PHF2: variants seen among roughly 807,000 people sequenced by gnomAD.
The protein encoded by PHF2 is PHD finger protein 2, also known as lysine-specific demethylase PHF2.
PHF2 carries 27 observed loss-of-function variants against 120.5 expected under a neutral mutation model. The observed-to-expected ratio is 0.22, with a 90% CI of 0.17 to 0.31. PHF2 has a LOEUF of 0.31. Ranked by LOEUF, PHF2 falls within the 10% of genes least tolerant of loss-of-function variation. The pLI is 1.00. For missense variants in PHF2, 1,024 were observed against 1,434.8 expected, an observed-to-expected ratio of 0.71 and a Z score of 4.63; for synonymous variants, 568 against 592.5, an observed-to-expected ratio of 0.96 and a Z score of 0.60.
chr9:93,618,719 C>T (rs1825767083), intron 1 of PHF2, among the ~76,000 whole-genome samples: 1 of 151,486 alleles, frequency 6.6e-6, no homozygotes, highest in Non-Finnish European at 1.5e-5. Context: ...CAGCACTCTG[C>T]GCTTGCACAC....
chr9:93,611,163 C>G (rs1825627038), intron 1 of PHF2, among the ~76,000 whole-genome samples: 1 of 152,026 alleles, frequency 6.6e-6, no homozygotes, highest in African/African-American at 2.4e-5. Context: ...CGCCTGTAAT[C>G]CCAGCACTTT....
At chr9:93,659,892 AGCCCCTGCAG>A (rs1288081873) in intron 11 of PHF2, among the ~76,000 whole-genome samples, 3 of 152,084 alleles carry the variant, frequency 2.0e-5, no homozygotes, top group Non-Finnish European at 4.4e-5. Context: ...CCCCTGACTC[AGCCCCTGCAG>A]TCCCAGCTTG....
intron 1 of PHF2, among the ~76,000 whole-genome samples, chr9:93,592,408 C>CT (rs76636570): frequency 0.14 from 21,593 of 152,078 alleles, 3,386 homozygotes; most frequent in African/African-American, 0.38. Context: ...TATCTGCATC[C>CT]TTTGCCTAGT....
chr9:93,584,993 A>G (rs896747082), intron 1 of PHF2, among the ~76,000 whole-genome samples: 3 of 152,222 alleles, frequency 2.0e-5, no homozygotes, highest in Non-Finnish European at 4.4e-5. Flanking sequence ...TTTGGACGCT[A>G]TGGTAAGTGG....
chr9:93,653,100 A>G, intron 5 of PHF2, 79 bp from the exon 6 acceptor site: 1 of 1,361,678 alleles, frequency 7.3e-7, no homozygotes, highest in Non-Finnish European at 1.0e-6. Flanking sequence ...GACATGCCTC[A>G]CAGAACATGT....
At chr9:93,614,355 T>C (rs1825686604) in intron 1 of PHF2, among the ~76,000 whole-genome samples, 1 of 152,214 alleles carries the variant, frequency 6.6e-6, no homozygotes, top group South Asian at 2.1e-4. Context: ...CAGCTTCATT[T>C]CCCTCTTGGC....
chr9:93,593,105 A>AAAAAAAAAAAAAAAAGG (rs1554790887), intron 1 of PHF2, among the ~76,000 whole-genome samples: 1 of 122,716 alleles, frequency 8.1e-6, no homozygotes, highest in African/African-American at 3.3e-5. Context: ...AAAAAAAAAA[A>AAAAAAAAAAAAAAAAGG]AAAAAAGAAA....
Position 93,663,633 on chromosome 9 carries a change from C to G in PHF2, c.1935C>G (p.Leu645=). 1 of 1,598,852 alleles carries G rather than the reference C, an allele frequency of 6.3e-7. No homozygotes were observed. The highest frequency in any genetic ancestry group is 8.6e-7 in the Non-Finnish European group (1 of 1,168,012). The change falls in exon 14 of 22, where the codon CTC becomes CTG. Residue 645 remains leucine (L), a splice_region_variant and synonymous_variant. Transcript: ENST00000359246. ...TTTCTTTCTCCAACAAGAAACTCCT[C>G]GGGTATGTGAGTGCCTGGATGGGAG... The part of the protein sequence containing the change: ...FSFSFSNKKL[L]GSKALRPPTS...
chr9:93,635,360 C>G (rs1193096774), intron 2 of PHF2, among the ~76,000 whole-genome samples: 2 of 152,082 alleles, frequency 1.3e-5, no homozygotes, highest in African/African-American at 4.8e-5. Flanking sequence ...GCCCCCATCC[C>G]CTGCGCCCCC....
rs574937395 is a variant in PHF2, at chr9:93,586,797, G to A, written c.98+9926G>A. ...GGAGACCAGGCTCTGTTCTAGGCAC[G>A]GGCAGCAGTGAGGAAGACTGCACGG... On this transcript the variant is annotated intron_variant, in intron 1 of 21. Transcript: ENST00000359246. Among the ~76,000 whole-genome samples, 193 of 152,340 alleles carry A rather than the reference G, an allele frequency of 1.3e-3. 1 individual carries two copies. Among genetic ancestry groups the A allele is most frequent in the African/African-American group, 3.9e-3 (164 of 41,584 alleles).
chr9:93,636,557 T>A (rs1478282042), intron 3 of PHF2, 32 bp downstream of exon 3: 1 of 1,415,132 alleles, frequency 7.1e-7, no homozygotes, highest in East Asian at 2.4e-5. Context: ...CTCCACCACC[T>A]GCAGCCAGGG....
rs1348936990 is a variant in PHF2 at position 93,677,022 on chromosome 9, G to A, written c.3202+59G>A. On this transcript the variant is annotated intron_variant, in intron 21 of 21. Coordinates refer to ENST00000359246, the MANE Select transcript of PHF2 (RefSeq NM_005392.4). This position sits in a 1 kb window ranked among gnomAD's most constrained non-coding sequence, Gnocchi z 4.4. The stretch of plus-strand genomic sequence containing the variant: ...CCTGCCCTGCCTGCCCCCATGGGCA[G>A]CCCCAGACATGCAGACTCGGCCCAT... 6.9e-7 allele frequency: 1 copy of A among 1,452,998 alleles called. No homozygotes were observed. The allele number at this position is 1,452,998 out of a possible 1,614,324, so 90.0% of individuals were successfully genotyped here.
intron 4 of PHF2, among the ~76,000 whole-genome samples, chr9:93,646,934 G>T (rs967679132): frequency 6.6e-6 from 1 of 152,226 alleles, no homozygotes; most frequent in African/African-American, 2.4e-5. Flanking sequence ...CTGAGGAGGA[G>T]GGCAGGCTGG....
In PHF2 at chr9:93,677,952, G is replaced by A. The variant is rs774668238; in HGVS notation, c.*276G>A. 4 of 424,278 alleles carry A rather than the reference G, an allele frequency of 9.4e-6. No homozygotes were observed. The highest frequency in any genetic ancestry group is 1.3e-5 in the Non-Finnish European group (3 of 236,422). 26.3% of individuals were successfully genotyped at this position (424,278 alleles called of 1,614,324 possible). On this transcript the variant is annotated 3_prime_UTR_variant, in exon 22 of 22. Coordinates refer to ENST00000359246, the MANE Select transcript of PHF2 (RefSeq NM_005392.4). This position sits in a 1 kb window ranked among gnomAD's most constrained non-coding sequence, Gnocchi z 4.4. ...TGAGGACCGCTTATTCCACTTTAAG[G>A]ACAGCCTTCAGGCCCCCTGAGCGTG...
At chr9:93,614,621 G>A (rs1265659928) in intron 1 of PHF2, among the ~76,000 whole-genome samples, 2 of 152,186 alleles carry the variant, frequency 1.3e-5, no homozygotes, top group Admixed American at 1.3e-4. Context: ...TGGAGGAATG[G>A]ACATAGCACA....
chr9:93,676,797 C>G lies in PHF2; in HGVS notation c.3036C>G (p.Pro1012=), dbSNP rs750408397. The G allele has an allele frequency of 3.9e-6, 6 of 1,552,878 alleles. No homozygotes were observed. The highest frequency in any genetic ancestry group is 2.4e-5 in the South Asian group (2 of 84,242). The change falls in exon 21 of 22, where the codon CCC becomes CCG. Residue 1012 remains proline, a synonymous_variant. Coordinates refer to ENST00000359246, the MANE Select transcript of PHF2 (RefSeq NM_005392.4). ...CGCAGGAGGGCAGCTCGCCAGAGCC[C>G]CCGCCTGAGTCGCATAGCAGCAGCC... ...QASQEGSSPE[P]PPESHSSSLA...
intron 17 of PHF2, chr9:93,672,385 AGT>A (rs1826817581): frequency 2.7e-6 from 1 of 372,674 alleles, no homozygotes; most frequent in Non-Finnish European, 3.2e-6. Flanking sequence ...TGAGTGTGGG[AGT>A]AGGCACAGGT....
intron 2 of PHF2, among the ~76,000 whole-genome samples, chr9:93,630,738 A>G (rs1825987802): frequency 6.6e-6 from 1 of 152,096 alleles, no homozygotes; most frequent in South Asian, 2.1e-4. Flanking sequence ...CCCTGGTTGC[A>G]GAGGGGGAGC....
chr9:93,660,625 C>G, intron 12 of PHF2, 65 bp downstream of exon 12: 1 of 1,428,382 alleles, frequency 7.0e-7, no homozygotes, highest in Non-Finnish European at 9.3e-7. Flanking sequence ...TCTTGTGGGC[C>G]AGTCCCATGG....
Sources: gnomAD v4.1 joint callset for allele counts (sites outside exome capture counted in the v4.1 genomes callset) on GRCh38, gnomAD v4.1.1 for gene constraint, Gnocchi (gnomAD v3.1) non-coding constraint, MANE v1.5 for transcripts, NCBI Gene and HGNC (gene_info 2026-07-23, HGNC 2026-07-21) for gene names.